KCNIP4: variants seen among roughly 807,000 people sequenced by gnomAD.
KCNIP4 encodes the protein Kv channel-interacting protein 4.
KCNIP4 carries 12 observed loss-of-function variants against 34.0 expected under a neutral mutation model. That is an observed-to-expected ratio of 0.35 (90% CI 0.23 to 0.57). The LOEUF (loss-of-function observed/expected upper bound fraction) is 0.57. Among genes scored for constraint, KCNIP4 ranks in the 20% least tolerant of loss-of-function variants. The pLI is 0.83. For missense variants in KCNIP4, 238 were observed against 311.7 expected, an observed-to-expected ratio of 0.76 and a Z score of 1.78; for synonymous variants, 124 against 102.2, an observed-to-expected ratio of 1.21 and a Z score of -1.29.
rs115271734 is a variant in KCNIP4, at chr4:21,329,952, T to G, written c.62-447243A>C. On this transcript the variant is annotated intron_variant, in intron 1 of 8. Transcript: ENST00000382152. ...GAGATGAGCTCAAGGCCTCCTTAAG[T>G]AGAATCTTAACATGGCAACTAACAT... Among the ~76,000 whole-genome samples, 1,216 of 152,248 alleles carry G rather than the reference T, an allele frequency of 8.0e-3. 18 individuals carry two copies. The highest frequency in any genetic ancestry group is 0.027 in the African/African-American group (1,106 of 41,560).
intron 1 of KCNIP4, among the ~76,000 whole-genome samples, chr4:21,190,634 A>C (rs1560795255): frequency 6.6e-6 from 1 of 152,244 alleles, no homozygotes; most frequent in Admixed American, 6.5e-5. Context: ...GTTAGCAAAC[A>C]GTTATCAACC....
chr4:21,809,321 A>G (rs1158212591), intron 1 of KCNIP4, among the ~76,000 whole-genome samples: 1 of 152,150 alleles, frequency 6.6e-6, no homozygotes, highest in Non-Finnish European at 1.5e-5. Context: ...TCAAGCCTTC[A>G]GACTCAAAGG....
intron 1 of KCNIP4, among the ~76,000 whole-genome samples, chr4:21,398,784 C>G (rs1421727019): frequency 2.0e-5 from 3 of 152,222 alleles, no homozygotes; most frequent in South Asian, 2.1e-4. Context: ...CACTTTTTCT[C>G]TCTCGTAATC....
At chr4:21,448,229 G>A (rs992877250) in intron 1 of KCNIP4, among the ~76,000 whole-genome samples, 2 of 152,160 alleles carry the variant, frequency 1.3e-5, no homozygotes, top group African/African-American at 4.8e-5. Flanking sequence ...AGTAAGGGAT[G>A]AGAGGAAGTG....
At chr4:21,674,165 T>C (rs916853034) in intron 1 of KCNIP4, among the ~76,000 whole-genome samples, 2 of 152,210 alleles carry the variant, frequency 1.3e-5, no homozygotes, top group Non-Finnish European at 2.9e-5. Context: ...GCTATATGTA[T>C]TGAATTTGTG....
At chr4:21,924,149 A>G (rs1729096573) in intron 1 of KCNIP4, among the ~76,000 whole-genome samples, 1 of 152,200 alleles carries the variant, frequency 6.6e-6, no homozygotes, top group South Asian at 2.1e-4. Flanking sequence ...TTTCTTGTTG[A>G]AGAAAGAAAA....
intron 1 of KCNIP4, among the ~76,000 whole-genome samples, chr4:21,484,914 G>A (rs1050372398): frequency 2.4e-4 from 36 of 152,154 alleles, no homozygotes; most frequent in African/African-American, 8.2e-4. Context: ...TTGCATAAAT[G>A]TTTCCCAGCA....
intron 3 of KCNIP4, among the ~76,000 whole-genome samples, chr4:20,799,019 G>A (rs904232496): frequency 5.3e-5 from 8 of 152,168 alleles, no homozygotes; most frequent in African/African-American, 1.9e-4. Context: ...ATCCTGCTCT[G>A]GGGGTGAAAC....
intron 1 of KCNIP4, among the ~76,000 whole-genome samples, chr4:21,068,785 G>C (rs1377835988): frequency 1.3e-5 from 2 of 152,168 alleles, no homozygotes; most frequent in African/African-American, 4.8e-5. Flanking sequence ...TTATTGTCTA[G>C]CTGTCTAATG....
At chr4:21,813,299 G>C (rs2109274164) in intron 1 of KCNIP4, among the ~76,000 whole-genome samples, 1 of 152,122 alleles carries the variant, frequency 6.6e-6, no homozygotes, top group Non-Finnish European at 1.5e-5. Flanking sequence ...GTTGAAAGGA[G>C]AAAAAATGTA....
Position 21,131,241 on chromosome 4 carries a change from G to A in KCNIP4, c.62-248532C>T, listed in dbSNP as rs7686692. ...ATGTAGCAACAAGAATCCTATAAAC[G>A]CATGCAATGATGTAGATGAATAATA... On this transcript the variant is annotated intron_variant, in intron 1 of 8. Coordinates refer to ENST00000382152, the MANE Select transcript of KCNIP4 (RefSeq NM_025221.6). 2.4e-3 allele frequency among the ~76,000 whole-genome samples: 373 copies of A among 152,246 alleles called. 3 individuals carry two copies. Among genetic ancestry groups the A allele is most frequent in the African/African-American group, 8.0e-3 (334 of 41,552 alleles).
intron 1 of KCNIP4, among the ~76,000 whole-genome samples, chr4:21,257,227 AT>A (rs780221562): frequency 1.4e-4 from 21 of 152,304 alleles, no homozygotes; most frequent in Non-Finnish European, 2.5e-4. Context: ...CACTTTTGGC[AT>A]GTTCGATTTG....
intron 3 of KCNIP4, among the ~76,000 whole-genome samples, chr4:20,776,297 G>A (rs1756362379): frequency 6.6e-6 from 1 of 152,102 alleles, no homozygotes; most frequent in Admixed American, 6.5e-5. Flanking sequence ...TTTTTTTCTA[G>A]TATCTCACAG....
At chr4:20,759,703 TAAG>T (rs1255480958) in intron 3 of KCNIP4, among the ~76,000 whole-genome samples, 1 of 152,106 alleles carries the variant, frequency 6.6e-6, no homozygotes, top group Non-Finnish European at 1.5e-5. Flanking sequence ...GTGCAGAATA[TAAG>T]GTTTGAGCAA....
At chr4:21,198,845 C>A (rs1756255272) in intron 1 of KCNIP4, among the ~76,000 whole-genome samples, 1 of 152,160 alleles carries the variant, frequency 6.6e-6, no homozygotes, top group Admixed American at 6.5e-5. Context: ...CCAGGAGGGA[C>A]CTTCTGGCTT....
At chr4:20,988,209 A>G (rs1736770806) in intron 1 of KCNIP4, among the ~76,000 whole-genome samples, 1 of 151,278 alleles carries the variant, frequency 6.6e-6, no homozygotes, top group Non-Finnish European at 1.5e-5. Flanking sequence ...TCACCACCTC[A>G]CTCTCAGGCC....
intron 1 of KCNIP4, among the ~76,000 whole-genome samples, chr4:21,615,422 T>C (rs1047478419): frequency 4.0e-5 from 6 of 150,276 alleles, no homozygotes; most frequent in African/African-American, 1.5e-4. Context: ...GGTGGGCGCC[T>C]GTAGGCCCAG....
chr4:20,899,382 A>G, intron 1 of KCNIP4, among the ~76,000 whole-genome samples: 1 of 152,176 alleles, frequency 6.6e-6, no homozygotes, highest in South Asian at 2.1e-4. Context: ...CCTGCTGCTC[A>G]ACATTTTATT....
intron 3 of KCNIP4, among the ~76,000 whole-genome samples, chr4:20,815,064 T>A (rs1716210749): frequency 6.6e-6 from 1 of 152,188 alleles, no homozygotes; most frequent in African/African-American, 2.4e-5. Context: ...GAATGGTAGT[T>A]AAAATGATTA....
Sources: allele counts gnomAD v4.1 joint callset (sites outside exome capture counted in the v4.1 genomes callset), GRCh38; gene constraint gnomAD v4.1.1; transcripts MANE v1.5; gene names NCBI Gene and HGNC (gene_info 2026-07-23, HGNC 2026-07-21).